Variants in ROBO2 observed in about 807,000 individuals in gnomAD.
ROBO2 encodes the protein roundabout homolog 2.
In ROBO2, 53 loss-of-function variants were observed where a neutral mutation model predicts 160.8. The observed-to-expected ratio is 0.33, with a 90% CI of 0.26 to 0.41. The LOEUF is 0.41. Among genes scored for constraint, ROBO2 ranks in the 10% least tolerant of loss-of-function variants. ROBO2 has a pLI of 1.00. For missense variants in ROBO2, 1,577 were observed against 1,722.4 expected, an observed-to-expected ratio of 0.92 and a Z score of 1.49; for synonymous variants, 664 against 611.7, an observed-to-expected ratio of 1.09 and a Z score of -1.26.
At chr3:75,937,450 T>A (rs760233348) in intron 1 of ROBO2, 27 of 1,227,756 alleles carry the variant, frequency 2.2e-5, no homozygotes, top group Non-Finnish European at 2.9e-5. Context: ...TAATTTATTG[T>A]ACTTTCACAT....
intron 2 of ROBO2, among the ~76,000 whole-genome samples, chr3:76,916,681 C>A (rs893371460): frequency 6.6e-6 from 1 of 151,722 alleles, no homozygotes; most frequent in South Asian, 2.1e-4. Context: ...TCAAGATTGA[C>A]GTTTATATAT....
chr3:75,953,916 T>G (rs1456664384), intron 2 of ROBO2, among the ~76,000 whole-genome samples: 2 of 151,914 alleles, frequency 1.3e-5, no homozygotes, highest in African/African-American at 4.8e-5. Flanking sequence ...TTGTCAGACA[T>G]GAGAAATCTT....
intron 2 of ROBO2, among the ~76,000 whole-genome samples, chr3:76,697,702 T>C (rs2092957223): frequency 6.6e-6 from 1 of 152,086 alleles, no homozygotes. Flanking sequence ...ACAATTGTAT[T>C]AGATTGATCT....
At chr3:76,195,350 AC>A (rs1702212341) in intron 2 of ROBO2, among the ~76,000 whole-genome samples, 1 of 152,206 alleles carries the variant, frequency 6.6e-6, no homozygotes, top group Non-Finnish European at 1.5e-5. Flanking sequence ...TGAGGAACTC[AC>A]AGATCACCTG....
At chr3:77,283,749 T>A (rs1441957) in intron 2 of ROBO2, among the ~76,000 whole-genome samples, 6,503 of 152,162 alleles carry the variant, frequency 0.043, 463 homozygotes, top group African/African-American at 0.15. Context: ...ATGAGATTTT[T>A]AAAAAAGTTT....
At chr3:75,977,952 A>G (rs931249256) in intron 2 of ROBO2, among the ~76,000 whole-genome samples, 1 of 151,524 alleles carries the variant, frequency 6.6e-6, no homozygotes, top group African/African-American at 2.4e-5. Context: ...CCTAAAACCA[A>G]CTCAATGGAA....
intron 2 of ROBO2, among the ~76,000 whole-genome samples, chr3:77,333,176 G>T (rs1022821908): frequency 2.6e-5 from 4 of 152,136 alleles, no homozygotes; most frequent in African/African-American, 9.7e-5. Flanking sequence ...GTTGAAGCTT[G>T]GTTATATTCT....
At chr3:75,960,760 T>A (rs180774204) in intron 2 of ROBO2, among the ~76,000 whole-genome samples, 1 of 151,712 alleles carries the variant, frequency 6.6e-6, no homozygotes, top group African/African-American at 2.4e-5. Flanking sequence ...TGCAATCTTG[T>A]GCAAGTCACC....
intron 2 of ROBO2, among the ~76,000 whole-genome samples, chr3:76,168,899 C>T (rs996440923): frequency 4.0e-5 from 6 of 151,204 alleles, no homozygotes; most frequent in African/African-American, 1.5e-4. Context: ...CTGAGATATA[C>T]AAATGTGTAT....
intron 2 of ROBO2, among the ~76,000 whole-genome samples, chr3:76,814,880 C>T (rs1307642383): frequency 6.6e-6 from 1 of 151,796 alleles, no homozygotes; most frequent in Non-Finnish European, 1.5e-5. Context: ...TCAGCCAGGC[C>T]AGTATGTGTT....
At chr3:76,503,940 C>T (rs1335795637) in intron 2 of ROBO2, among the ~76,000 whole-genome samples, 1 of 152,176 alleles carries the variant, frequency 6.6e-6, no homozygotes, top group African/African-American at 2.4e-5. Context: ...TTTCTTTCTG[C>T]ATTCAAATGT....
intron 2 of ROBO2, among the ~76,000 whole-genome samples, chr3:76,458,298 C>T (rs13077779): frequency 0.41 from 62,021 of 151,848 alleles, 12,866 homozygotes; most frequent in African/African-American, 0.48. Flanking sequence ...AGTTCCAAGT[C>T]CCACAATCTG....
At chr3:77,572,010 T>A (rs1200445148) in intron 13 of ROBO2, among the ~76,000 whole-genome samples, 1 of 151,872 alleles carries the variant, frequency 6.6e-6, no homozygotes, top group Non-Finnish European at 1.5e-5. Context: ...AGTGTGCAAG[T>A]GTGCAAAACA....
At chr3:76,957,643 C>T (rs1198024461) in intron 2 of ROBO2, among the ~76,000 whole-genome samples, 1 of 151,808 alleles carries the variant, frequency 6.6e-6, no homozygotes, top group Non-Finnish European at 1.5e-5. Context: ...CCAACCTGAC[C>T]AACATGATGA....
At chr3:77,386,784 G>T (rs1325775726) in intron 2 of ROBO2, among the ~76,000 whole-genome samples, 5 of 151,186 alleles carry the variant, frequency 3.3e-5, no homozygotes, top group Non-Finnish European at 5.9e-5. Flanking sequence ...TGTATTTTTG[G>T]TAGAGACAAG....
chr3:77,571,166 G>T (rs900941233), intron 13 of ROBO2, among the ~76,000 whole-genome samples: 2 of 151,892 alleles, frequency 1.3e-5, no homozygotes, highest in African/African-American at 4.8e-5. Context: ...AGAGTGCTTC[G>T]ACAAACTAGA....
intron 2 of ROBO2, among the ~76,000 whole-genome samples, chr3:76,795,382 A>C (rs2063621819): frequency 6.6e-6 from 1 of 152,156 alleles, no homozygotes; most frequent in African/African-American, 2.4e-5. Context: ...TTTCAGAATT[A>C]GTTAAGACTC....
intron 2 of ROBO2, among the ~76,000 whole-genome samples, chr3:76,782,936 A>G (rs149003068): frequency 8.6e-4 from 129 of 149,860 alleles, no homozygotes; most frequent in African/African-American, 3.0e-3. Flanking sequence ...TCTTTTTTAC[A>G]ATTTTGTAGT....
At chr3:76,343,937 C>T (rs948619307) in intron 2 of ROBO2, among the ~76,000 whole-genome samples, 1 of 151,956 alleles carries the variant, frequency 6.6e-6, no homozygotes, top group Non-Finnish European at 1.5e-5. Flanking sequence ...ATTTTATAAA[C>T]CTGAGTAAAT....
Sources: allele counts gnomAD v4.1 joint callset (sites outside exome capture counted in the v4.1 genomes callset), GRCh38; gene constraint gnomAD v4.1.1; transcripts MANE v1.5; gene names NCBI Gene and HGNC (gene_info 2026-07-23, HGNC 2026-07-21).